Variants in LAPTM5 observed in about 807,000 individuals in gnomAD.
LAPTM5 encodes lysosomal-associated transmembrane protein 5.
A neutral mutation model predicts 30.1 loss-of-function variants in LAPTM5; 11 were observed. The ratio of observed to expected loss-of-function variants is 0.37; its 90% CI spans 0.23 to 0.60. The LOEUF (loss-of-function observed/expected upper bound fraction) is 0.60, where lower values mean the gene tolerates loss of function less well. Ranked by LOEUF, LAPTM5 falls within the 20% of genes least tolerant of loss-of-function variation. The pLI, the probability that LAPTM5 is intolerant of heterozygous loss-of-function variation, is 0.71. For missense variants in LAPTM5, 324 were observed against 332.5 expected, an observed-to-expected ratio of 0.97 and a Z score of 0.20; for synonymous variants, 151 against 137.9, an observed-to-expected ratio of 1.10 and a Z score of -0.67.
intron 1 of LAPTM5, among the ~76,000 whole-genome samples, chr1:30,751,836 A>G (rs1640142767): frequency 1.3e-5 from 2 of 152,142 alleles, no homozygotes; most frequent in East Asian, 1.9e-4. Context: ...GTCTCCTCCA[A>G]ATGATCACTT....
chr1:30,755,807 G>A (rs1640200707), intron 1 of LAPTM5, among the ~76,000 whole-genome samples: 2 of 152,188 alleles, frequency 1.3e-5, no homozygotes, highest in South Asian at 4.1e-4. Context: ...CAGAAGATGT[G>A]ACACAAAAGC....
chr1:30,751,967 A>G (rs547806645), intron 1 of LAPTM5, among the ~76,000 whole-genome samples: 3 of 152,296 alleles, frequency 2.0e-5, no homozygotes, highest in African/African-American at 7.2e-5. Flanking sequence ...TGTTCCTTTC[A>G]ATCACAAATC....
At chr1:30,756,998 C>T (rs1257088952) in intron 1 of LAPTM5, among the ~76,000 whole-genome samples, 2 of 152,330 alleles carry the variant, frequency 1.3e-5, no homozygotes, top group East Asian at 1.9e-4. Context: ...CAGTGACAGC[C>T]GTGACTTCAC....
At position 30,746,788 on chromosome 1, in the gene LAPTM5, A is replaced by T. The variant is rs1000413756; in HGVS notation, c.88-4239T>A. Among the ~76,000 whole-genome samples, 3 of 152,166 alleles carry T rather than the reference A, an allele frequency of 2.0e-5. No homozygotes were observed. The highest frequency in any genetic ancestry group is 1.5e-5 in the Non-Finnish European group (1 of 68,024). The stretch of plus-strand genomic sequence containing the variant: ...TAACCTCTCTGGGCCTCGGCTCCTC[A>T]TCTGAGGAATGGGGATAATCACTGA... On this transcript the variant is annotated intron_variant, in intron 1 of 7. Coordinates refer to ENST00000294507, the MANE Select transcript of LAPTM5 (RefSeq NM_006762.3). This position sits in a 1 kb window ranked among gnomAD's most constrained non-coding sequence, Gnocchi z 4.0.
chr1:30,734,047 T>C, intron 7 of LAPTM5, 130 bp from the exon 8 acceptor site: 1 of 1,014,718 alleles, frequency 9.9e-7, no homozygotes, highest in East Asian at 2.6e-5. Flanking sequence ...TCTTGGATAT[T>C]TGCTATGTGC....
chr1:30,741,961 C>T (rs1372922754), intron 2 of LAPTM5: 4 of 404,224 alleles, frequency 9.9e-6, no homozygotes, highest in Non-Finnish European at 1.8e-5. Context: ...TCCACTTCAG[C>T]CAGGGTGAGG....
At chr1:30,750,967 C>T (rs1319658207) in intron 1 of LAPTM5, among the ~76,000 whole-genome samples, 1 of 152,234 alleles carries the variant, frequency 6.6e-6, no homozygotes, top group African/African-American at 2.4e-5. Flanking sequence ...GTGCCACTTC[C>T]CTTGGCAGGG....
intron 3 of LAPTM5, among the ~76,000 whole-genome samples, chr1:30,740,892 G>A (rs567517510): frequency 6.6e-6 from 1 of 152,326 alleles, no homozygotes; most frequent in East Asian, 1.9e-4. Context: ...CACTCCTCCG[G>A]CCCTGCAAGG....
chr1:30,752,898 C>A (rs552159834), intron 1 of LAPTM5, among the ~76,000 whole-genome samples: 1 of 152,304 alleles, frequency 6.6e-6, no homozygotes, highest in East Asian at 1.9e-4. Context: ...CCTCCACCTC[C>A]CAGGTTCAAG....
intron 6 of LAPTM5, 40 bp from the exon 7 acceptor site, chr1:30,735,305 T>C: frequency 6.5e-7 from 1 of 1,545,872 alleles, no homozygotes; most frequent in Admixed American, 1.7e-5. Flanking sequence ...TTGCTGAGCG[T>C]CCTTCTCACG....
At chr1:30,749,722 G>A (rs754544676) in intron 1 of LAPTM5, among the ~76,000 whole-genome samples, 6 of 152,130 alleles carry the variant, frequency 3.9e-5, no homozygotes, top group East Asian at 1.9e-4. Context: ...AAGATTCCCC[G>A]AAAGAGCAAT....
intron 7 of LAPTM5, among the ~76,000 whole-genome samples, chr1:30,734,460 A>G (rs1159489024): frequency 6.6e-6 from 1 of 152,212 alleles, no homozygotes; most frequent in Admixed American, 6.5e-5. Flanking sequence ...CAAGGAAAGT[A>G]GAGTCAAGAG....
At chr1:30,734,953 G>A (rs143083490) in intron 7 of LAPTM5, among the ~76,000 whole-genome samples, 136 of 152,310 alleles carry the variant, frequency 8.9e-4, no homozygotes, top group African/African-American at 2.9e-3. Context: ...TCCTGGAATC[G>A]ATATGAGACT....
intron 1 of LAPTM5, among the ~76,000 whole-genome samples, chr1:30,748,461 C>T (rs1313998381): frequency 1.3e-5 from 2 of 152,180 alleles, no homozygotes; most frequent in Non-Finnish European, 2.9e-5. Context: ...GAAGCTCAGT[C>T]CCCTCAACCT....
At chr1:30,734,628 T>G (rs1182427209) in intron 7 of LAPTM5, among the ~76,000 whole-genome samples, 1 of 152,228 alleles carries the variant, frequency 6.6e-6, no homozygotes, top group African/African-American at 2.4e-5. Context: ...TAATACAATC[T>G]CCACCTTACA....
At chr1:30,748,615 C>G (rs901899242) in intron 1 of LAPTM5, among the ~76,000 whole-genome samples, 6 of 152,210 alleles carry the variant, frequency 3.9e-5, no homozygotes, top group African/African-American at 1.2e-4. Context: ...GGCCAGCCCC[C>G]CAAGAGCACT....
chr1:30,744,062 T>C (rs1425305157), intron 1 of LAPTM5, among the ~76,000 whole-genome samples: 1 of 152,132 alleles, frequency 6.6e-6, no homozygotes, highest in Non-Finnish European at 1.5e-5. Flanking sequence ...AGCACTGAGC[T>C]CAGGGACTGG....
intron 1 of LAPTM5, among the ~76,000 whole-genome samples, chr1:30,749,366 T>C (rs1349877875): frequency 1.3e-5 from 2 of 152,212 alleles, no homozygotes; most frequent in Non-Finnish European, 2.9e-5. Context: ...TCTAGGGGCC[T>C]CTGGGTGCTG....
At position 30,733,818 on chromosome 1, in the gene LAPTM5, C is replaced by T. The variant is rs1416995462; in HGVS notation, c.*10G>A. On this transcript the variant is annotated 3_prime_UTR_variant, in exon 8 of 8. Transcript: ENST00000294507. ...CCCCTCCCAGCACTGGGGCTGGGGC[C>T]TGGCGAGGGTCACACCTCTGAGTAT... 6.2e-7 allele frequency: 1 copy of T among 1,600,320 alleles called. No homozygotes were observed. The highest frequency in any genetic ancestry group is 1.1e-5 in the South Asian group (1 of 89,614).
Sources: gnomAD v4.1 joint callset for allele counts (sites outside exome capture counted in the v4.1 genomes callset) on GRCh38, gnomAD v4.1.1 for gene constraint, Gnocchi (gnomAD v3.1) non-coding constraint, MANE v1.5 for transcripts, NCBI Gene and HGNC (gene_info 2026-07-23, HGNC 2026-07-21) for gene names.